The following LUC7L3 variants were observed in gnomAD, a reference collection of about 807,000 sequenced individuals.
LUC7L3 encodes the protein luc7-like protein 3.
In LUC7L3, 6 loss-of-function variants were observed where a neutral mutation model predicts 66.8. That is an observed-to-expected ratio of 0.09 (90% confidence interval 0.05 to 0.18). The LOEUF (loss-of-function observed/expected upper bound fraction) is 0.18. LUC7L3 is among the 10% of genes least tolerant of loss of function. LUC7L3 has a pLI of 1.00. For synonymous variants in LUC7L3, 160 were observed against 174.7 expected (o/e 0.92, Z 0.66); for missense variants, 341 against 531.1 (o/e 0.64, Z 3.52).
chr17:50,728,602 G>A (rs1969355347), intron 1 of LUC7L3, among the ~76,000 whole-genome samples: 1 of 152,202 alleles, frequency 6.6e-6, no homozygotes, highest in Non-Finnish European at 1.5e-5. Flanking sequence ...GTCTAGGCCG[G>A]AGTGCAGTGG....
In LUC7L3 at chr17:50,725,716, TGAA is replaced by T. The variant is rs574324821; in HGVS notation, c.99+5888_99+5890del. 2.0e-4 allele frequency among the ~76,000 whole-genome samples: 31 copies of T among 152,294 alleles called. No individual in the cohort carries two copies. In the South Asian group the frequency reaches 5.2e-3, roughly 25 times the overall value. ...AGATTTGCAACAATTTGAAAAAACTTGAAGACGAATCACATAGCTTAGAAATAT... is the reference window on the plus strand; with the variant it reads ...AGATTTGCAACAATTTGAAAAAACTTGACGAATCACATAGCTTAGAAATAT... On this transcript the variant is annotated intron_variant, in intron 1 of 9. Transcript: ENST00000505658.
At chr17:50,731,498 A>C (rs79071423) in intron 1 of LUC7L3, among the ~76,000 whole-genome samples, 1,547 of 152,254 alleles carry the variant, frequency 0.01, 19 homozygotes, top group African/African-American at 0.035. Context: ...ATCATTATTG[A>C]TGACTTTATT....
intron 2 of LUC7L3, among the ~76,000 whole-genome samples, chr17:50,737,637 C>T (rs540959263): frequency 6.6e-5 from 10 of 152,208 alleles, no homozygotes; most frequent in African/African-American, 1.9e-4. Flanking sequence ...CATCTCTGGC[C>T]TTTACCCACT....
At chr17:50,734,711 C>T (rs1969863231) in intron 1 of LUC7L3, among the ~76,000 whole-genome samples, 4 of 152,142 alleles carry the variant, frequency 2.6e-5, no homozygotes, top group Non-Finnish European at 5.9e-5. Flanking sequence ...TAGAAAGATA[C>T]TAAGACATAA....
chr17:50,729,264 A>T (rs1969408683), intron 1 of LUC7L3, among the ~76,000 whole-genome samples: 1 of 152,226 alleles, frequency 6.6e-6, no homozygotes, highest in Non-Finnish European at 1.5e-5. Context: ...TAAGTCAAGG[A>T]ATAAATGTTT....
In LUC7L3 at chr17:50,750,863, T is replaced by C; in HGVS notation, c.*202T>C. 2 of 1,537,272 alleles carry C rather than the reference T, an allele frequency of 1.3e-6. No individual in the cohort carries two copies. The highest frequency in any genetic ancestry group is 8.7e-7 in the Non-Finnish European group (1 of 1,146,978). ...GCAAAACATTTTGAGGTACATTGTT[T>C]TGTCTCAGCTATTTTGTAGCAGACT... On this transcript the variant is annotated 3_prime_UTR_variant, in exon 10 of 10. Coordinates refer to ENST00000505658, the MANE Select transcript of LUC7L3 (RefSeq NM_016424.5).
At chr17:50,746,351 G>A (rs892409961) in intron 8 of LUC7L3, among the ~76,000 whole-genome samples, 191 bp from the exon 9 acceptor site, 1 of 152,122 alleles carries the variant, frequency 6.6e-6, no homozygotes, top group Non-Finnish European at 1.5e-5. Context: ...AGAGCACAAC[G>A]ATAACCATCT....
intron 1 of LUC7L3, among the ~76,000 whole-genome samples, chr17:50,727,183 G>T (rs1852253655): frequency 6.6e-6 from 1 of 152,206 alleles, no homozygotes; most frequent in Non-Finnish European, 1.5e-5. Flanking sequence ...TCAGTGGTAG[G>T]CTTTTGATAG....
intron 1 of LUC7L3, among the ~76,000 whole-genome samples, chr17:50,733,858 A>G (rs560546680): frequency 2.4e-4 from 36 of 152,366 alleles, no homozygotes; most frequent in East Asian, 9.6e-4. Context: ...CAGGGTTAAT[A>G]TAATTGAAAG....
At chr17:50,739,575 A>T (rs1970212075) in intron 2 of LUC7L3, among the ~76,000 whole-genome samples, 2 of 152,122 alleles carry the variant, frequency 1.3e-5, no homozygotes, top group Non-Finnish European at 2.9e-5. Flanking sequence ...AATCCCTTGA[A>T]CCTGGTGGGC....
chr17:50,740,804 C>G (rs1460405510), intron 3 of LUC7L3, among the ~76,000 whole-genome samples: 1 of 152,178 alleles, frequency 6.6e-6, no homozygotes, highest in Non-Finnish European at 1.5e-5. Flanking sequence ...AAGTGATCCA[C>G]CCACCTCGGC....
At chr17:50,734,514 G>A (rs912152573) in intron 1 of LUC7L3, among the ~76,000 whole-genome samples, 1 of 152,082 alleles carries the variant, frequency 6.6e-6, no homozygotes, top group Non-Finnish European at 1.5e-5. Flanking sequence ...ACTTAATGTT[G>A]CCAGGGCCTG....
At chr17:50,739,630 G>C (rs1458215128) in intron 2 of LUC7L3, among the ~76,000 whole-genome samples, 3 of 148,776 alleles carry the variant, frequency 2.0e-5, no homozygotes, top group Non-Finnish European at 4.4e-5. Context: ...CTCCGGCCTG[G>C]GCGACAGAGC....
chr17:50,744,599 G>A (rs1970552446), intron 6 of LUC7L3, 53 bp from the exon 7 acceptor site: 2 of 1,521,714 alleles, frequency 1.3e-6, no homozygotes, highest in African/African-American at 1.4e-5. Context: ...TACTTTCCTG[G>A]GATTTGTTTC....
chr17:50,742,228 CTGA>C (rs1181488417), intron 5 of LUC7L3, among the ~76,000 whole-genome samples: 3 of 152,206 alleles, frequency 2.0e-5, no homozygotes, highest in African/African-American at 7.2e-5. Flanking sequence ...TAAAATTAAA[CTGA>C]TCATACCAGC....
chr17:50,742,140 C>T (rs1300652563), intron 5 of LUC7L3, among the ~76,000 whole-genome samples: 3 of 152,042 alleles, frequency 2.0e-5, no homozygotes, highest in Admixed American at 1.3e-4. Flanking sequence ...TATGAAAAGA[C>T]GCTCAACACT....
At chr17:50,749,236 T>C (rs1438500200) in intron 9 of LUC7L3, 2 of 1,289,172 alleles carry the variant, frequency 1.6e-6, no homozygotes, top group Non-Finnish European at 2.0e-6. Flanking sequence ...GATAAGATTA[T>C]TGGACTGACT....
chr17:50,740,659 A>G (rs1247069677), intron 3 of LUC7L3, among the ~76,000 whole-genome samples: 1 of 152,104 alleles, frequency 6.6e-6, no homozygotes, highest in Non-Finnish European at 1.5e-5. Context: ...CCCAGGTTCA[A>G]GGGATTCTCC....
At chr17:50,730,766 C>A (rs1375228163) in intron 1 of LUC7L3, among the ~76,000 whole-genome samples, 2 of 151,770 alleles carry the variant, frequency 1.3e-5, no homozygotes, top group Non-Finnish European at 2.9e-5. Flanking sequence ...CATGGCTTAA[C>A]CCCCATCTAC....
Sources: gnomAD v4.1 joint callset for allele counts (sites outside exome capture counted in the v4.1 genomes callset) on GRCh38, gnomAD v4.1.1 for gene constraint, MANE v1.5 for transcripts, NCBI Gene and HGNC (gene_info 2026-07-23, HGNC 2026-07-21) for gene names.